The following FGF14 variants were observed in gnomAD, a reference collection of about 807,000 sequenced individuals.
FGF14 encodes fibroblast growth factor homologous factor 4.
Under a neutral mutation model 25.5 loss-of-function variants are expected in FGF14, and 5 were observed. The ratio of observed to expected loss-of-function variants is 0.20; its 90% CI spans 0.10 to 0.41. FGF14 has a LOEUF of 0.41. Among genes scored for constraint, FGF14 ranks in the 10% least tolerant of loss-of-function variants. The pLI is 1.00. For synonymous variants in FGF14, 138 were observed against 118.3 expected, an observed-to-expected ratio of 1.17 and a Z score of -1.08; for missense variants, 222 against 320.1, an observed-to-expected ratio of 0.69 and a Z score of 2.34.
chr13:102,163,641 CGAG>C (rs1566768647), intron 1 of FGF14, among the ~76,000 whole-genome samples: 1 of 151,874 alleles, frequency 6.6e-6, no homozygotes, highest in Non-Finnish European at 1.5e-5. Context: ...GACCAGTATT[CGAG>C]GAGGTGATCT....
intron 1 of FGF14, among the ~76,000 whole-genome samples, chr13:102,374,696 A>ATATATG (rs2057995453): frequency 1.1e-5 from 1 of 88,878 alleles, no homozygotes; most frequent in Non-Finnish European, 2.2e-5. Context: ...ATATATATAT[A>ATATATG]TGTCAGTAAG....
At chr13:102,032,483 G>A (rs1206265982) in intron 1 of FGF14, among the ~76,000 whole-genome samples, 1 of 152,010 alleles carries the variant, frequency 6.6e-6, no homozygotes, top group Admixed American at 6.6e-5. Context: ...AAACTAATAG[G>A]GTCTTAAGGT....
intron 1 of FGF14, among the ~76,000 whole-genome samples, chr13:102,105,916 C>T (rs1217711308): frequency 1.1e-4 from 16 of 152,118 alleles, no homozygotes; most frequent in Admixed American, 1.0e-3. Context: ...TGCCAACATA[C>T]ATTTCAACAT....
chr13:102,368,403 C>T (rs1311049616), intron 1 of FGF14, among the ~76,000 whole-genome samples: 1 of 152,084 alleles, frequency 6.6e-6, no homozygotes, highest in East Asian at 1.9e-4. Context: ...GAATGAAATA[C>T]ATTAAAAATC....
intron 1 of FGF14, among the ~76,000 whole-genome samples, chr13:102,210,609 C>A (rs929725744): frequency 6.6e-6 from 1 of 152,184 alleles, no homozygotes; most frequent in Non-Finnish European, 1.5e-5. Flanking sequence ...TCCCTCCCAA[C>A]TCTTAGCTAC....
chr13:102,145,612 C>T (rs919599635), intron 1 of FGF14, among the ~76,000 whole-genome samples: 5 of 152,146 alleles, frequency 3.3e-5, no homozygotes, highest in East Asian at 1.9e-4. Flanking sequence ...ACCAGTTACA[C>T]CTGTTAATGA....
upstream of FGF14, among the ~76,000 whole-genome samples, chr13:101,918,105 C>T (rs2033712066): frequency 6.6e-6 from 1 of 151,242 alleles, no homozygotes; most frequent in Admixed American, 6.6e-5. Context: ...TCTCCTCCCC[C>T]TTGATTTTCT....
chr13:102,337,938 A>G (rs571124241), intron 1 of FGF14, among the ~76,000 whole-genome samples: 2 of 152,336 alleles, frequency 1.3e-5, no homozygotes, highest in South Asian at 2.1e-4. Flanking sequence ...TAGTGTATAT[A>G]TAACTCTTAT....
chr13:102,159,894 G>GGTAT (rs1331701223), intron 1 of FGF14, among the ~76,000 whole-genome samples: 2 of 152,134 alleles, frequency 1.3e-5, no homozygotes, highest in Non-Finnish European at 2.9e-5. Context: ...ATCTCAGTGA[G>GGTAT]GTATGCCACT....
chr13:101,930,934 T>TA (rs1171327283), intron 1 of FGF14, among the ~76,000 whole-genome samples: 3 of 152,156 alleles, frequency 2.0e-5, no homozygotes, highest in Non-Finnish European at 4.4e-5. Flanking sequence ...TCCAACAAGT[T>TA]AGAGTCCAAC....
chr13:101,985,452 T>G (rs1331880398), intron 1 of FGF14, among the ~76,000 whole-genome samples: 2 of 152,120 alleles, frequency 1.3e-5, no homozygotes, highest in African/African-American at 4.8e-5. Flanking sequence ...TGTGTTAAGA[T>G]GATTGCATTC....
At chr13:101,778,905 C>T (rs1185929203) in intron 3 of FGF14, 2 of 152,116 alleles carry the variant, frequency 1.3e-5, no homozygotes, top group Non-Finnish European at 2.9e-5. Flanking sequence ...ATAACACAGC[C>T]CCCACTACCA....
intron 3 of FGF14, among the ~76,000 whole-genome samples, chr13:101,741,885 T>C (rs1421484946): frequency 2.0e-5 from 3 of 152,140 alleles, no homozygotes; most frequent in Admixed American, 2.0e-4. Context: ...GCACACCTTT[T>C]TACATAGCTG....
At chr13:102,222,774 C>G (rs1171002034) in intron 1 of FGF14, among the ~76,000 whole-genome samples, 1 of 152,106 alleles carries the variant, frequency 6.6e-6, no homozygotes, top group African/African-American at 2.4e-5. Flanking sequence ...GCTCATTCTT[C>G]ATGAACACAC....
At chr13:102,337,136 T>C (rs1172059986) in intron 1 of FGF14, among the ~76,000 whole-genome samples, 1 of 152,224 alleles carries the variant, frequency 6.6e-6, no homozygotes, top group Non-Finnish European at 1.5e-5. Context: ...CCATAGATAG[T>C]AATTCCTCTG....
At chr13:101,771,779 CT>C (rs554864850) in intron 3 of FGF14, among the ~76,000 whole-genome samples, 3 of 151,376 alleles carry the variant, frequency 2.0e-5, no homozygotes, top group East Asian at 1.9e-4. Context: ...TTTTAGATTC[CT>C]TTTTTTTGAA....
At chr13:102,312,788 G>A (rs1414098741) in intron 1 of FGF14, among the ~76,000 whole-genome samples, 3 of 152,158 alleles carry the variant, frequency 2.0e-5, no homozygotes, top group Non-Finnish European at 4.4e-5. Context: ...CTTGCTGATT[G>A]TTTTCTGCTA....
intron 1 of FGF14, among the ~76,000 whole-genome samples, chr13:102,379,917 G>A (rs2058140929): frequency 6.6e-6 from 1 of 152,180 alleles, no homozygotes; most frequent in Non-Finnish European, 1.5e-5. Context: ...CTAGGTCTCT[G>A]AAAGCCTTAT....
At chr13:101,816,268 T>TAAAAAAAA (rs2041843648) in intron 3 of FGF14, among the ~76,000 whole-genome samples, 1 of 69,312 alleles carries the variant, frequency 1.4e-5, no homozygotes, top group Non-Finnish European at 2.7e-5. Context: ...AGACTCCGTC[T>TAAAAAAAA]CAAAAAAAAA....
Sources: gnomAD v4.1 joint callset for allele counts (sites outside exome capture counted in the v4.1 genomes callset) on GRCh38, gnomAD v4.1.1 for gene constraint, MANE v1.5 for transcripts, NCBI Gene and HGNC (gene_info 2026-07-23, HGNC 2026-07-21) for gene names.